Variants in SNX25 observed in about 807,000 individuals in gnomAD.
The protein encoded by SNX25 is sorting nexin 25.
SNX25 carries 62 observed loss-of-function variants against 113.7 expected under a neutral mutation model. The ratio of observed to expected loss-of-function variants is 0.55; its 90% CI spans 0.44 to 0.67. SNX25 has a LOEUF of 0.67. SNX25 is among the 30% of genes least tolerant of loss of function. SNX25 has a pLI of 0.00. For missense variants in SNX25, 1,014 were observed against 1,161.0 expected (o/e 0.87, Z 1.84); for synonymous variants, 421 against 436.2 (o/e 0.97, Z 0.43).
Position 185,346,107 on chromosome 4 carries a change from C to T in SNX25, c.2188-430C>T, listed in dbSNP as rs575754093. Among the ~76,000 whole-genome samples, 22 of 152,352 alleles carry T rather than the reference C, an allele frequency of 1.4e-4. 1 individual carries two copies. In the East Asian group the frequency reaches 4.1e-3, roughly 28 times the overall value. ...CTCCTGACCTCATGTGATCCAGCTTCCTTGGCCTCCCAAAGTGTTGGGATT... is the reference window on the plus strand; with the variant it reads ...CTCCTGACCTCATGTGATCCAGCTTTCTTGGCCTCCCAAAGTGTTGGGATT... On this transcript the variant is annotated intron_variant, in intron 12 of 18. Transcript: ENST00000652585.
intron 1 of SNX25, among the ~76,000 whole-genome samples, chr4:185,214,721 A>G (rs1374117814): frequency 2.0e-5 from 3 of 152,244 alleles, no homozygotes; most frequent in Non-Finnish European, 4.4e-5. Flanking sequence ...ATAAGCATTT[A>G]CTGAATGTCT....
intron 10 of SNX25, among the ~76,000 whole-genome samples, chr4:185,333,602 T>G (rs998246408): frequency 6.6e-6 from 1 of 152,214 alleles, no homozygotes; most frequent in Non-Finnish European, 1.5e-5. Context: ...TATAATCCAG[T>G]TACTGTCTAG....
chr4:185,362,213 A>G (rs2095368052), intron 17 of SNX25, 108 bp downstream of exon 17: 7 of 1,417,882 alleles, frequency 4.9e-6, no homozygotes, highest in African/African-American at 1.4e-5. Context: ...TACAATGAAA[A>G]AAAAAAGGAT....
downstream of SNX25, chr4:185,366,226 T>TA (rs143501730): frequency 1.2e-4 from 19 of 152,372 alleles, no homozygotes; most frequent in African/African-American, 4.6e-4. Context: ...AGATGTCATC[T>TA]ATATACGGAA....
downstream of SNX25, among the ~76,000 whole-genome samples, chr4:185,367,732 G>A (rs1351199776): frequency 1.3e-5 from 2 of 152,134 alleles, no homozygotes; most frequent in Non-Finnish European, 2.9e-5. Flanking sequence ...ATTCTATGCA[G>A]TAATTGTCCC....
intron 6 of SNX25, chr4:185,295,766 A>G (rs943378458): frequency 4.6e-5 from 7 of 152,144 alleles, no homozygotes; most frequent in African/African-American, 1.7e-4. Flanking sequence ...TTTTTGAATC[A>G]TAATTGATGT....
chr4:185,220,742 A>G (rs568875728), intron 1 of SNX25, among the ~76,000 whole-genome samples: 1 of 152,176 alleles, frequency 6.6e-6, no homozygotes, highest in East Asian at 1.9e-4. Flanking sequence ...GGCCTCCCAA[A>G]GTGCTGGGAT....
At chr4:185,303,751 T>A (rs182916307) in intron 6 of SNX25, among the ~76,000 whole-genome samples, 2 of 150,978 alleles carry the variant, frequency 1.3e-5, no homozygotes, top group East Asian at 4.0e-4. Context: ...TGTACTCTTC[T>A]CCATCATAAA....
chr4:185,339,803 T>C (rs1254582374), intron 11 of SNX25, among the ~76,000 whole-genome samples: 1 of 152,228 alleles, frequency 6.6e-6, no homozygotes, highest in Non-Finnish European at 1.5e-5. Flanking sequence ...TATTTTTCCA[T>C]TAAGAGTTGA....
chr4:185,357,115 G>A (rs923738791), intron 15 of SNX25, among the ~76,000 whole-genome samples: 1 of 152,062 alleles, frequency 6.6e-6, no homozygotes, highest in Non-Finnish European at 1.5e-5. Context: ...CACTGGAGAC[G>A]GCCAAATTCA....
chr4:185,351,863 G>A (rs958264562), intron 14 of SNX25, among the ~76,000 whole-genome samples: 19 of 151,976 alleles, frequency 1.3e-4, no homozygotes, highest in East Asian at 7.8e-4. Context: ...CACACGGGGC[G>A]CCAGTCCCCA....
intron 18 of SNX25, 54 bp downstream of exon 18, chr4:185,362,765 G>T (rs1452345869): frequency 2.1e-6 from 3 of 1,440,922 alleles, no homozygotes; most frequent in Non-Finnish European, 2.9e-6. Context: ...CTGTTTCTTC[G>T]TTTGGTCAGA....
At chr4:185,216,298 A>G (rs911815266) in intron 1 of SNX25, among the ~76,000 whole-genome samples, 2 of 152,176 alleles carry the variant, frequency 1.3e-5, no homozygotes, top group African/African-American at 4.8e-5. Flanking sequence ...TTTTTGATAC[A>G]TATAATATTG....
chr4:185,264,684 T>G, intron 4 of SNX25, 74 bp downstream of exon 4: 1 of 1,435,216 alleles, frequency 7.0e-7, no homozygotes, highest in Non-Finnish European at 9.7e-7. Flanking sequence ...CCTTGTTTAC[T>G]GTTGAACATA....
intron 9 of SNX25, among the ~76,000 whole-genome samples, chr4:185,324,541 G>A (rs1424745468): frequency 6.6e-6 from 1 of 152,012 alleles, no homozygotes; most frequent in Non-Finnish European, 1.5e-5. Flanking sequence ...CCGATCAGAG[G>A]GGAGGTTATC....
chr4:185,216,309 GT>G (rs1738802294), intron 1 of SNX25, among the ~76,000 whole-genome samples: 38 of 152,032 alleles, frequency 2.5e-4, no homozygotes, highest in Non-Finnish European at 4.9e-4. Context: ...TATAATATTG[GT>G]ATGTGAACAG....
At chr4:185,301,558 A>G (rs558004730) in intron 6 of SNX25, among the ~76,000 whole-genome samples, 10 of 150,642 alleles carry the variant, frequency 6.6e-5, no homozygotes, top group Admixed American at 2.0e-4. Flanking sequence ...GTATCTCTTC[A>G]TCTGTATCCT....
At chr4:185,344,108 T>C (rs1162707882) in intron 12 of SNX25, among the ~76,000 whole-genome samples, 1 of 152,070 alleles carries the variant, frequency 6.6e-6, no homozygotes, top group Non-Finnish European at 1.5e-5. Flanking sequence ...GTAGTCTCAG[T>C]TTCTCAAGAG....
chr4:185,216,304 T>TTCGCCCAG (rs1738800561), intron 1 of SNX25, among the ~76,000 whole-genome samples: 27 of 152,092 alleles, frequency 1.8e-4, no homozygotes, highest in Non-Finnish European at 3.5e-4. Flanking sequence ...ATACATATAA[T>TTCGCCCAG]ATTGGTATGT....
Sources: allele counts gnomAD v4.1 joint callset (sites outside exome capture counted in the v4.1 genomes callset), GRCh38; gene constraint gnomAD v4.1.1; transcripts MANE v1.5; gene names NCBI Gene and HGNC (gene_info 2026-07-23, HGNC 2026-07-21).